SDCCAG8: variants seen among roughly 807,000 people sequenced by gnomAD.
The protein encoded by SDCCAG8 is serologically defined colon cancer antigen 8.
SDCCAG8 carries 74 observed loss-of-function variants against 101.8 expected under a neutral mutation model. That is an observed-to-expected ratio of 0.73 (90% CI 0.60 to 0.88). SDCCAG8 has a LOEUF of 0.88. Among genes scored for constraint, SDCCAG8 ranks in the 40% least tolerant of loss-of-function variants. SDCCAG8 has a pLI of 0.00. For synonymous variants in SDCCAG8, 281 were observed against 292.9 expected, an observed-to-expected ratio of 0.96 and a Z score of 0.41; for missense variants, 787 against 822.6, an observed-to-expected ratio of 0.96 and a Z score of 0.53.
intron 9 of SDCCAG8, among the ~76,000 whole-genome samples, chr1:243,319,100 A>G (rs1378864665): frequency 6.6e-6 from 1 of 152,032 alleles, no homozygotes; most frequent in African/African-American, 2.4e-5. Context: ...AGCGAGGAGG[A>G]GAGGGGCCAG....
rs77182900 is a variant in SDCCAG8 at position 243,333,869 on chromosome 1, G to C, written c.1221+3177G>C. Among the ~76,000 whole-genome samples the C allele has an allele frequency of 5.2e-3, 792 of 152,214 alleles. 7 individuals are homozygous for C. Among genetic ancestry groups the C allele is most frequent in the African/African-American group, 0.018 (736 of 41,508 alleles). On this transcript the variant is annotated intron_variant, in intron 10 of 17. Coordinates refer to ENST00000366541, the MANE Select transcript of SDCCAG8 (RefSeq NM_006642.5). ...ATAGGAGGTTCTGGAGTTTAGCAGG[G>C]AGCTAAAGATTTAGGTGTCTTTAGC...
chr1:243,443,324 C>T (rs1472105575), intron 16 of SDCCAG8, among the ~76,000 whole-genome samples: 1 of 152,154 alleles, frequency 6.6e-6, no homozygotes, highest in Admixed American at 6.5e-5. Flanking sequence ...GCCTTTGTAC[C>T]AGTGTTAGTG....
intron 16 of SDCCAG8, among the ~76,000 whole-genome samples, chr1:243,475,242 C>T (rs1015102663): frequency 6.6e-6 from 1 of 152,206 alleles, no homozygotes; most frequent in African/African-American, 2.4e-5. Context: ...AACCAAGAGA[C>T]GGACATATAG....
At chr1:243,267,436 T>TA (rs201947129) in intron 1 of SDCCAG8, 231 of 302,584 alleles carry the variant, frequency 7.6e-4, no homozygotes, top group Middle Eastern at 3.6e-3. Flanking sequence ...CCGTCTCTAC[T>TA]AAAAAAAAAT....
intron 13 of SDCCAG8, among the ~76,000 whole-genome samples, chr1:243,384,012 T>G (rs1192515231): frequency 1.3e-5 from 2 of 152,176 alleles, no homozygotes; most frequent in Non-Finnish European, 2.9e-5. Flanking sequence ...CCATTGATTC[T>G]TGTCAGAAAG....
rs1227566725 is a variant in SDCCAG8, at chr1:243,371,740, C to A, written c.1474-6981C>A. On this transcript the variant is annotated intron_variant, in intron 12 of 17. Transcript: ENST00000366541. The stretch of plus-strand genomic sequence containing the variant: ...ATAGGCTGGTTCCCCAAGTGTCTAG[C>A]TTGGAGAATGAGTCTTAGAAATAAA... Among the ~76,000 whole-genome samples the A allele has an allele frequency of 2.0e-5, 3 of 152,080 alleles. No homozygotes were observed. In the East Asian group the frequency reaches 5.8e-4, roughly 29 times the overall value.
chr1:243,424,742 C>T (rs1019977633), intron 15 of SDCCAG8, among the ~76,000 whole-genome samples: 19 of 152,026 alleles, frequency 1.2e-4, no homozygotes, highest in Non-Finnish European at 2.2e-4. Context: ...AATACTCTCA[C>T]ACAAACCTAT....
chr1:243,392,191 A>C (rs893829909), intron 13 of SDCCAG8, among the ~76,000 whole-genome samples: 2 of 152,240 alleles, frequency 1.3e-5, no homozygotes, highest in African/African-American at 4.8e-5. Flanking sequence ...CAATGATTTT[A>C]ATATGAGTTC....
chr1:243,271,495 A>G (rs74625167), intron 3 of SDCCAG8, among the ~76,000 whole-genome samples: 538 of 151,936 alleles, frequency 3.5e-3, no homozygotes, highest in African/African-American at 0.012. Context: ...CCTACTTTGT[A>G]ATATTTTTTA....
chr1:243,259,426 A>G (rs1199704294), intron 1 of SDCCAG8, among the ~76,000 whole-genome samples: 5 of 151,952 alleles, frequency 3.3e-5, no homozygotes, highest in African/African-American at 9.7e-5. Flanking sequence ...CAAAAACAAA[A>G]ACAAAAACAA....
intron 16 of SDCCAG8, among the ~76,000 whole-genome samples, chr1:243,451,254 G>A (rs1342369463): frequency 6.6e-6 from 1 of 152,102 alleles, no homozygotes; most frequent in Non-Finnish European, 1.5e-5. Context: ...GATTTCATAG[G>A]CACAAATGTA....
At chr1:243,351,291 G>A (rs1444123045) in intron 12 of SDCCAG8, among the ~76,000 whole-genome samples, 7 of 152,238 alleles carry the variant, frequency 4.6e-5, no homozygotes. Context: ...TGCTCCCTAC[G>A]AAGACAACAG....
chr1:243,306,769 G>T (rs1205068017), intron 7 of SDCCAG8, among the ~76,000 whole-genome samples: 1 of 151,984 alleles, frequency 6.6e-6, no homozygotes, highest in African/African-American at 2.4e-5. Context: ...TAGGGTAGAC[G>T]CAGCTCATTT....
At chr1:243,360,083 A>G (rs2076608986) in intron 12 of SDCCAG8, among the ~76,000 whole-genome samples, 1 of 150,478 alleles carries the variant, frequency 6.6e-6, no homozygotes, top group African/African-American at 2.4e-5. Flanking sequence ...CTTCACATAT[A>G]TCCACTGCTA....
intron 1 of SDCCAG8, chr1:243,267,872 T>C (rs1189479775): frequency 3.5e-6 from 4 of 1,154,200 alleles, no homozygotes; most frequent in Middle Eastern, 1.9e-4. Context: ...TAAGTCCAGT[T>C]TGGCTTTTAT....
chr1:243,376,437 G>A (rs1037187733), intron 12 of SDCCAG8, among the ~76,000 whole-genome samples: 1 of 152,156 alleles, frequency 6.6e-6, no homozygotes, highest in Non-Finnish European at 1.5e-5. Flanking sequence ...TTACCTCTGT[G>A]TTTGGACTGT....
At chr1:243,470,891 A>G (rs1465873876) in intron 16 of SDCCAG8, among the ~76,000 whole-genome samples, 1 of 152,156 alleles carries the variant, frequency 6.6e-6, no homozygotes, top group African/African-American at 2.4e-5. Flanking sequence ...CTATAGCATC[A>G]ACAAGCAAAA....
At chr1:243,301,088 T>C (rs1381025513) in intron 6 of SDCCAG8, among the ~76,000 whole-genome samples, 1 of 152,206 alleles carries the variant, frequency 6.6e-6, no homozygotes, top group Non-Finnish European at 1.5e-5. Flanking sequence ...TCAAAACTTA[T>C]GTACACTATC....
rs551068639 is a variant in SDCCAG8, at chr1:243,450,743, C to G, written c.1985+24185C>G. Among the ~76,000 whole-genome samples the G allele has an allele frequency of 1.6e-4, 25 of 152,334 alleles. No individual in the cohort carries two copies. The South Asian group carries it at 4.8e-3, about 29-fold the overall frequency. Reference sequence around the variant, plus strand: ...GTGCCATCTCAGCTCACTGCAACCTCTGCCTCTCGGGTTCAAGCAATTCTG... The same window carrying G: ...GTGCCATCTCAGCTCACTGCAACCTGTGCCTCTCGGGTTCAAGCAATTCTG... On this transcript the variant is annotated intron_variant, in intron 16 of 17. Coordinates refer to ENST00000366541, the MANE Select transcript of SDCCAG8 (RefSeq NM_006642.5).
Sources: gnomAD v4.1 joint callset for allele counts (sites outside exome capture counted in the v4.1 genomes callset) on GRCh38, gnomAD v4.1.1 for gene constraint, MANE v1.5 for transcripts, NCBI Gene and HGNC (gene_info 2026-07-23, HGNC 2026-07-21) for gene names.